SLC6A16: variants seen among roughly 807,000 people sequenced by gnomAD.
SLC6A16 encodes orphan sodium- and chloride-dependent neurotransmitter transporter NTT5.
SLC6A16 carries 54 observed loss-of-function variants against 65.4 expected under a neutral mutation model. That is an observed-to-expected ratio of 0.83 (90% CI 0.66 to 1.04). The LOEUF is 1.04. SLC6A16 is among the 50% of genes least tolerant of loss of function. SLC6A16 has a pLI of 0.00. For synonymous variants in SLC6A16, 330 were observed against 346.5 expected, an observed-to-expected ratio of 0.95 and a Z score of 0.53; for missense variants, 816 against 914.0, an observed-to-expected ratio of 0.89 and a Z score of 1.38.
chr19:49,335,774 G>A, the SLC6A16 span: 189 of 1,613,098 alleles, frequency 1.2e-4, no homozygotes, highest in East Asian at 5.1e-4. This position sits in a 1 kb window ranked among gnomAD's most constrained non-coding sequence, Gnocchi z 4.6. Context: ...GACCAGCTTC[G>A]TGTCCTTTGT....
chr19:49,334,405 G>A, the SLC6A16 span, among the ~76,000 whole-genome samples: 1 of 152,062 alleles, frequency 6.6e-6, no homozygotes, highest in African/African-American at 2.4e-5. Flanking sequence ...AGGATTGCTC[G>A]AGCCTGGGAA....
chr19:49,310,790 G>A, intron 2 of SLC6A16, 143 bp downstream of exon 2: 1 of 757,726 alleles, frequency 1.3e-6, no homozygotes, highest in Non-Finnish European at 2.2e-6. Context: ...GATCCTAAGT[G>A]TCCAGGGACC....
At chr19:49,303,659 A>AAAAAAAG (rs201139718) in intron 7 of SLC6A16, among the ~76,000 whole-genome samples, 8 of 142,586 alleles carry the variant, frequency 5.6e-5, no homozygotes, top group African/African-American at 2.0e-4. Context: ...TCTCAAAAAA[A>AAAAAAAG]AAAAAAGAAA....
chr19:49,309,438 A>G, intron 5 of SLC6A16, 27 bp from the exon 6 acceptor site: 1 of 1,550,006 alleles, frequency 6.5e-7, no homozygotes, highest in Non-Finnish European at 8.9e-7. Context: ...ACATATCAGC[A>G]ACCGTGTACC....
the SLC6A16 span, chr19:49,337,698 G>C: frequency 3.3e-6 from 5 of 1,532,186 alleles, no homozygotes; most frequent in Non-Finnish European, 4.4e-6. Flanking sequence ...GAAAAAGAGA[G>C]AACAAGAGAA....
In SLC6A16 at chr19:49,290,659, C is replaced by T; in HGVS notation, c.1887G>A (p.Met629Ile). Reference sequence around the variant, plus strand: ...TCGGCTTCATACAAAGATGAACCATCATGGTCACAAAGATGATTAGCAGCA... The same window carrying T: ...TCGGCTTCATACAAAGATGAACCATTATGGTCACAAAGATGATTAGCAGCA... Reference protein sequence around the residue: ...PVVLLIIFVTMMVHLCMKPIT... With the variant: ...PVVLLIIFVTIMVHLCMKPIT... The change falls in exon 11 of 12, where the codon ATG becomes ATA. Residue 629 changes from methionine to isoleucine, a missense_variant. Physicochemically the swap from Met to Ile is conservative, Grantham distance 10. Transcript: ENST00000335875. 6.2e-7 allele frequency: 1 copy of T among 1,614,064 alleles called. No individual in the cohort carries two copies. Among genetic ancestry groups the T allele is most frequent in the Non-Finnish European group, 8.5e-7 (1 of 1,179,998 alleles).
Position 49,308,892 on chromosome 19 carries a change from G to T in SLC6A16, c.1213C>A (p.His405Asn). The T allele has an allele frequency of 6.2e-7, 1 of 1,614,202 alleles. No homozygotes were observed. ...VLGFWATVIT[H>N]RCCERNAEIL... ...CGGCCTTACCTCTCACAGCAGCGAT[G>T]TGTGATGACTGTCGCCCAGAAGCCC... The change falls in exon 7 of 12, where the codon CAT becomes AAT. Residue 405 changes from histidine to asparagine, a missense_variant. His to Asn is a moderately conservative substitution (Grantham distance 68, BLOSUM62 1). Coordinates refer to ENST00000335875, the MANE Select transcript of SLC6A16 (RefSeq NM_014037.3).
intron 1 of SLC6A16, among the ~76,000 whole-genome samples, chr19:49,324,372 A>G (rs1312689557): frequency 6.6e-6 from 1 of 152,176 alleles, no homozygotes; most frequent in Non-Finnish European, 1.5e-5. Flanking sequence ...CATGTTTCTT[A>G]AACACATTCT....
the SLC6A16 span, chr19:49,337,579 A>G: frequency 2.3e-3 from 2,973 of 1,304,580 alleles, 39 homozygotes; most frequent in African/African-American, 0.035. Flanking sequence ...CCATGCACTC[A>G]GCCTGGGTGA....
the SLC6A16 span, chr19:49,331,796 T>A: frequency 2.2e-6 from 1 of 457,306 alleles, no homozygotes; most frequent in Non-Finnish European, 4.4e-6. Context: ...TCAACTTCAC[T>A]GCAAGGAGAC....
At position 49,304,816 on chromosome 19, in the gene SLC6A16, A is replaced by T. The variant is rs991687648; in HGVS notation, c.1229+4060T>A. On this transcript the variant is annotated intron_variant, in intron 7 of 11. Transcript: ENST00000335875. ...AGATAGATCATCCAATATTTTTTTT[A>T]AAATGGGCAAAAATGAACTTGACCA... Among the ~76,000 whole-genome samples the T allele has an allele frequency of 9.2e-5, 14 of 152,290 alleles. No individual in the cohort carries two copies. In the South Asian group the frequency reaches 1.2e-3, roughly 14 times the overall value.
upstream of SLC6A16, chr19:49,325,232 G>T: frequency 1.0e-6 from 1 of 985,006 alleles, no homozygotes; most frequent in Non-Finnish European, 1.2e-6. Context: ...CTGCGCATGC[G>T]CCGCCGCGCC....
chr19:49,293,888 G>A lies in SLC6A16; in HGVS notation c.1557C>T (p.Gly519=). The change falls in exon 9 of 12, where the codon GGC becomes GGT. Residue 519 remains glycine (G), a synonymous_variant. Transcript: ENST00000335875. ...GLSSAIGIMQ[G]IITPLQDTFS... is the part of the protein sequence containing the mutation. ...AGGTGTCCTGGAGTGGAGTAATGAT[G>A]CCCTGCATAATCCCTATTGCGCTGC... The A allele has an allele frequency of 6.2e-7, 1 of 1,614,044 alleles. No homozygotes were observed. The highest frequency in any genetic ancestry group is 8.5e-7 in the Non-Finnish European group (1 of 1,180,018).
rs1311456923 is a variant in SLC6A16 at position 49,310,351 on chromosome 19, AC to A, written c.573+1del. On this transcript the variant is annotated splice_donor_variant, in intron 3 of 11. Transcript: ENST00000335875. LOFTEE classifies it high-confidence loss of function. The stretch of plus-strand genomic sequence containing the variant: ...AGGCCTGGGCAGCCATGGGCTCCTC[AC>A]CATGAAGCTAGAATACCCCACACCA... 2.5e-6 allele frequency: 4 copies of A among 1,613,854 alleles called. No individual in the cohort carries two copies. The South Asian group carries it at 4.4e-5, about 18-fold the overall frequency.
intron 1 of SLC6A16, among the ~76,000 whole-genome samples, chr19:49,323,008 T>G (rs1402730748): frequency 1.3e-5 from 2 of 151,908 alleles, no homozygotes; most frequent in African/African-American, 4.8e-5. Flanking sequence ...GTAATCAAAA[T>G]AGTGTGTTAC....
chr19:49,332,165 G>A, the SLC6A16 span: 1 of 456,722 alleles, frequency 2.2e-6, no homozygotes. Flanking sequence ...GGTGGCTCCA[G>A]GAGTTCCTTG....
At chr19:49,339,847 G>C in the SLC6A16 span, 1 of 1,332,836 alleles carries the variant, frequency 7.5e-7, no homozygotes, top group African/African-American at 1.5e-5. This position sits in a 1 kb window ranked among gnomAD's most constrained non-coding sequence, Gnocchi z 4.5. Flanking sequence ...GGGAGACAAG[G>C]CACCGCAGGG....
At chr19:49,309,161 G>A in intron 6 of SLC6A16, 44 bp from the exon 7 acceptor site, 4 of 1,608,226 alleles carry the variant, frequency 2.5e-6, no homozygotes, top group Non-Finnish European at 3.4e-6. Context: ...AAAAGAAGAA[G>A]CAGAGGACAA....
intron 7 of SLC6A16, among the ~76,000 whole-genome samples, chr19:49,301,639 G>C (rs1970294452): frequency 6.6e-6 from 1 of 152,208 alleles, no homozygotes; most frequent in Non-Finnish European, 1.5e-5. Context: ...CCAACTGCCA[G>C]CACTGCAGCA....
Sources: allele counts gnomAD v4.1 joint callset (sites outside exome capture counted in the v4.1 genomes callset), GRCh38; gene constraint gnomAD v4.1.1; non-coding constraint Gnocchi (gnomAD v3.1); transcripts MANE v1.5; gene names NCBI Gene and HGNC (gene_info 2026-07-23, HGNC 2026-07-21).